The following MAP4 variants were observed in gnomAD, a reference collection of about 807,000 sequenced individuals.
MAP4 encodes the protein microtubule associated protein 4, also known as microtubule-associated protein 4.
Under a neutral mutation model 170.2 loss-of-function variants are expected in MAP4, and 76 were observed. That is an observed-to-expected ratio of 0.45 (90% CI 0.37 to 0.54). MAP4 has a LOEUF of 0.54. Among genes scored for constraint, MAP4 ranks in the 20% least tolerant of loss-of-function variants. The pLI is 0.00. For missense variants in MAP4, 2,506 were observed against 2,748.0 expected, an observed-to-expected ratio of 0.91 and a Z score of 1.97; for synonymous variants, 909 against 994.5, an observed-to-expected ratio of 0.91 and a Z score of 1.62.
At chr3:48,064,572 A>C (rs1179628912) in intron 1 of MAP4, among the ~76,000 whole-genome samples, 1 of 152,120 alleles carries the variant, frequency 6.6e-6, no homozygotes, top group Non-Finnish European at 1.5e-5. Flanking sequence ...TGTAATTCCC[A>C]TCTTGATAAA....
chr3:47,887,238 C>T (rs550345367), intron 10 of MAP4, among the ~76,000 whole-genome samples: 27 of 152,364 alleles, frequency 1.8e-4, no homozygotes, highest in Admixed American at 8.5e-4. Context: ...GGGCTGCGCG[C>T]AGCACTTGCG....
chr3:47,861,472 C>T (rs1286079875), intron 17 of MAP4, among the ~76,000 whole-genome samples: 1 of 151,480 alleles, frequency 6.6e-6, no homozygotes, highest in Non-Finnish European at 1.5e-5. Context: ...CCTGCCTCAG[C>T]TTTCCAAGTA....
intron 17 of MAP4, among the ~76,000 whole-genome samples, chr3:47,862,560 C>T (rs1006068312): frequency 6.6e-6 from 1 of 152,080 alleles, no homozygotes; most frequent in Non-Finnish European, 1.5e-5. Flanking sequence ...TCACTGCAAC[C>T]TCTGCCTCCC....
chr3:47,890,996 C>T, intron 10 of MAP4: 2 of 1,448,018 alleles, frequency 1.4e-6, no homozygotes, highest in African/African-American at 1.4e-5. Context: ...CTGCTTGTTC[C>T]CAATGGAGGC....
chr3:48,088,452 C>T (rs946549828), intron 1 of MAP4, among the ~76,000 whole-genome samples: 1 of 152,190 alleles, frequency 6.6e-6, no homozygotes, highest in Non-Finnish European at 1.5e-5. Context: ...ACCCTCGCTC[C>T]GCGGCTCAGC....
At chr3:48,049,947 AT>A (rs1320491707) in intron 1 of MAP4, among the ~76,000 whole-genome samples, 2 of 151,694 alleles carry the variant, frequency 1.3e-5, no homozygotes, top group East Asian at 3.9e-4. Flanking sequence ...GGGAAAAAAA[AT>A]AAATTAATTA....
intron 1 of MAP4, among the ~76,000 whole-genome samples, chr3:48,050,635 G>A (rs139501886): frequency 5.0e-4 from 76 of 150,760 alleles, no homozygotes; most frequent in African/African-American, 1.7e-3. Context: ...GAGGACGTGC[G>A]CGGTGGCCCA....
At chr3:48,087,741 A>ACGCGCGCGCACACACACACACACG (rs5848844) in intron 1 of MAP4, among the ~76,000 whole-genome samples, 1,662 of 125,182 alleles carry the variant, frequency 0.013, 30 homozygotes, top group Admixed American at 0.041. Context: ...ACACACACGC[A>ACGCGCGCGCACACACACACACACG]CGCGCACACA....
intron 3 of MAP4, among the ~76,000 whole-genome samples, chr3:47,950,264 T>A (rs1017065787): frequency 6.6e-6 from 1 of 152,208 alleles, no homozygotes; most frequent in Non-Finnish European, 1.5e-5. Context: ...CTTTCCCTTG[T>A]TCAAATTGCA....
chr3:47,861,377 C>T lies in MAP4; in HGVS notation c.6502-3865G>A, dbSNP rs569015180. ...TCTTTTTTTTTTTTTTTTTTGAGAC[C>T]AAATCTCACTTTGTCGCCAGGCTGG... On this transcript the variant is annotated intron_variant, in intron 17 of 20. Transcript: ENST00000683076. 6.1e-5 allele frequency among the ~76,000 whole-genome samples: 9 copies of T among 147,900 alleles called. No homozygotes were observed. The South Asian group carries it at 6.4e-4, about 11-fold the overall frequency.
intron 3 of MAP4, among the ~76,000 whole-genome samples, chr3:47,936,119 A>G (rs1044517925): frequency 6.6e-6 from 1 of 151,312 alleles, no homozygotes; most frequent in African/African-American, 2.4e-5. Context: ...GGAGGGTGGG[A>G]GAGAGACAAA....
chr3:47,976,430 G>A (rs1211866339), intron 3 of MAP4, among the ~76,000 whole-genome samples: 1 of 152,124 alleles, frequency 6.6e-6, no homozygotes, highest in Non-Finnish European at 1.5e-5. Context: ...GGATGAAAAT[G>A]GCATCCACTC....
chr3:47,936,052 G>A (rs1262339667), intron 3 of MAP4, among the ~76,000 whole-genome samples: 1 of 151,512 alleles, frequency 6.6e-6, no homozygotes, highest in Non-Finnish European at 1.5e-5. Context: ...AACCCTGAAA[G>A]ACACTGCCTA....
intron 11 of MAP4, among the ~76,000 whole-genome samples, chr3:47,876,439 G>A (rs2152447170): frequency 6.6e-6 from 1 of 152,144 alleles, no homozygotes; most frequent in Non-Finnish European, 1.5e-5. Context: ...CCTGGGAATA[G>A]TTTCTTAATG....
At chr3:48,038,446 C>T (rs951280926) in intron 1 of MAP4, among the ~76,000 whole-genome samples, 5 of 145,690 alleles carry the variant, frequency 3.4e-5, no homozygotes, top group Admixed American at 7.1e-5. Flanking sequence ...ATACTATGTA[C>T]AATGCACTGA....
chr3:47,864,257 T>G (rs560923837), intron 17 of MAP4, among the ~76,000 whole-genome samples: 26 of 152,320 alleles, frequency 1.7e-4, no homozygotes, highest in Admixed American at 2.6e-4. Flanking sequence ...ATATTTTTTT[T>G]GGGACTGGGC....
At chr3:47,972,754 C>T (rs954337734) in intron 3 of MAP4, among the ~76,000 whole-genome samples, 4 of 151,936 alleles carry the variant, frequency 2.6e-5, no homozygotes, top group Non-Finnish European at 5.9e-5. Context: ...GGCGTGGTGG[C>T]GGGCGCCTGT....
intron 1 of MAP4, among the ~76,000 whole-genome samples, chr3:48,022,286 G>A (rs564431554): frequency 2.0e-5 from 3 of 152,242 alleles, no homozygotes; most frequent in East Asian, 1.9e-4. Context: ...AGAGAGTAGA[G>A]AGACAGGGAC....
rs776239925 is a variant in MAP4 at position 47,916,596 on chromosome 3, C to T, written c.1231G>A (p.Val411Ile). 4.7e-5 allele frequency: 76 copies of T among 1,614,124 alleles called. No homozygotes were observed. The highest frequency in any genetic ancestry group is 6.4e-5 in the Non-Finnish European group (75 of 1,180,060). ...GCCACCTCTATTTCTGAGAGTAATA[C>T]CAAATCCTTGGCTGGGACTATCTTG... ...ENKIVPAKDL[V>I]LLSEIEVAQA... The change falls in exon 7 of 21, where the codon GTA (valine) becomes ATA (isoleucine). Residue 411 changes from valine to isoleucine, a missense_variant. Physicochemically the swap from Val to Ile is conservative, Grantham distance 29. Around this residue, in one of 3 missense-constraint regions of MAP4, gnomAD observed 2,008 missense variants for 2,206.0 expected, o/e 0.91. Transcript: ENST00000683076.
Sources: gnomAD v4.1 joint callset for allele counts (sites outside exome capture counted in the v4.1 genomes callset) on GRCh38, gnomAD v4.1.1 for gene constraint, gnomAD v4.1.1 regional missense constraint, MANE v1.5 for transcripts, NCBI Gene and HGNC (gene_info 2026-07-23, HGNC 2026-07-21) for gene names.